Variants in OR6K3 observed in about 807,000 individuals in gnomAD.
The protein encoded by OR6K3 is olfactory receptor family 6 subfamily K member 3.
For synonymous variants in OR6K3, 169 were observed against 137.7 expected, an observed-to-expected ratio of 1.23 and a Z score of -1.59; for missense variants, 396 against 382.5, an observed-to-expected ratio of 1.04 and a Z score of -0.29.
Position 158,717,582 on chromosome 1 carries a change from G to T in OR6K3, c.534C>A (p.Phe178Leu), listed in dbSNP as rs772221777. ...FCGPNQIHQI[F>L]CDLVPVLSLA... is the part of the protein sequence containing the mutation. ...GGCTTAGCACAGGGACCAAGTCACAGAAGATCTGATGGATTTGGTTGGGCC... is the reference window on the plus strand; with the variant it reads ...GGCTTAGCACAGGGACCAAGTCACATAAGATCTGATGGATTTGGTTGGGCC... The change falls in exon 2 of 2, where the codon TTC (phenylalanine) becomes TTA (leucine). Residue 178 changes from phenylalanine to leucine, a missense_variant. Transcript: ENST00000368145. The T allele has an allele frequency of 3.7e-6, 6 of 1,613,858 alleles. No homozygotes were observed. Among genetic ancestry groups the T allele is most frequent in the Admixed American group, 1.7e-5 (1 of 59,970 alleles).
rs1656204377 is a variant in OR6K3 at position 158,717,942 on chromosome 1, G to A, written c.174C>T (p.Pro58=). 5 of 1,613,638 alleles carry A rather than the reference G, an allele frequency of 3.1e-6. No individual in the cohort carries two copies. Among genetic ancestry groups the A allele is most frequent in the Non-Finnish European group, 4.2e-6 (5 of 1,179,720 alleles). The change falls in exon 2 of 2, where the codon CCC becomes CCT. Residue 58 remains proline, a synonymous_variant. Transcript: ENST00000368145. The stretch of plus-strand genomic sequence containing the variant: ...AAAATATACTGATAAAATTATACAT[G>A]GGGTTGTGGAGATGGGTGTCCAGCC... ...AVRLDTHLHN[P]MYNFISIFSF...
chr1:158,724,511 C>G (rs950301655), upstream of OR6K3: 7 of 254,872 alleles, frequency 2.7e-5, no homozygotes, highest in South Asian at 4.5e-4. Flanking sequence ...AAGCGCAGCA[C>G]AGGTTCAAAA....
chr1:158,717,050 G>A lies in OR6K3; in HGVS notation c.*118C>T, dbSNP rs1571569003. 2.5e-5 allele frequency: 18 copies of A among 717,952 alleles called. No homozygotes were observed. In the South Asian group the frequency reaches 2.6e-4, roughly 11 times the overall value. 44.5% of individuals were successfully genotyped at this position (717,952 alleles called of 1,614,324 possible). A position where few individuals can be genotyped will look rare whatever the true frequency, so the allele number is the denominator to read the frequency against. Reference sequence around the variant, plus strand: ...GGAGAATTGTTCAAAACCAGGAGGTGGAGGTTGCAGTGAGCCAAGATCATG... The same window carrying A: ...GGAGAATTGTTCAAAACCAGGAGGTAGAGGTTGCAGTGAGCCAAGATCATG... On this transcript the variant is annotated 3_prime_UTR_variant, in exon 2 of 2. Coordinates refer to ENST00000368145, the MANE Select transcript of OR6K3 (RefSeq NM_001005327.3).
At chr1:158,718,530 T>C (rs1656221650) in intron 1 of OR6K3, among the ~76,000 whole-genome samples, 1 of 151,568 alleles carries the variant, frequency 6.6e-6, no homozygotes, top group African/African-American at 2.4e-5. Flanking sequence ...GTATTTGCAT[T>C]TATAAGTTAT....
chr1:158,722,342 T>G (rs567004810), upstream of OR6K3, among the ~76,000 whole-genome samples: 19 of 152,112 alleles, frequency 1.2e-4, no homozygotes, highest in Admixed American at 1.2e-3. Flanking sequence ...GCTAAAAAGT[T>G]GTGCTTTTTT....
At chr1:158,721,592 A>G (rs1409996939), upstream of OR6K3, among the ~76,000 whole-genome samples, 4 of 151,822 alleles carry the variant, frequency 2.6e-5, no homozygotes, top group African/African-American at 7.2e-5. Context: ...TGTATTTCCA[A>G]TGATTTTGTA....
upstream of OR6K3, chr1:158,724,028 T>C (rs1018182745): frequency 2.0e-5 from 3 of 152,226 alleles, no homozygotes; most frequent in Non-Finnish European, 4.4e-5. Context: ...AAAATATCCA[T>C]GTGACAATGA....
chr1:158,717,297 A>T lies in OR6K3; in HGVS notation c.819T>A (p.Ile273=), dbSNP rs371872933. Residue 273 remains isoleucine, a synonymous_variant, in exon 2 of 2, where the codon ATT becomes ATA. Coordinates refer to ENST00000368145, the MANE Select transcript of OR6K3 (RefSeq NM_001005327.3). ...DTYPPVLDTA[I]ALMFTVLAPF... ...GAGCAAGTACAGTAAACATCAGTGC[A>T]ATGGCTGTGTCCAAAACTGGTGGAT... The T allele has an allele frequency of 1.9e-6, 3 of 1,613,580 alleles. No homozygotes were observed. Among genetic ancestry groups the T allele is most frequent in the Non-Finnish European group, 2.5e-6 (3 of 1,179,724 alleles).
Position 158,718,065 on chromosome 1 carries a change from G to A in OR6K3, c.51C>T (p.Phe17=). 6.2e-7 allele frequency: 1 copy of A among 1,612,952 alleles called. No homozygotes were observed. The highest frequency in any genetic ancestry group is 2.2e-5 in the East Asian group (1 of 44,702). Reference sequence around the variant, plus strand: ...GGAGACTACCATCCTGAAGCTGAGGGAATCCAGTGAAGATAAATTCAGTCA... The same window carrying A: ...GGAGACTACCATCCTGAAGCTGAGGAAATCCAGTGAAGATAAATTCAGTCA... ...STVTEFIFTG[F]PQLQDGSLLY... is the part of the protein sequence containing the mutation. The change falls in exon 2 of 2, where the codon TTC becomes TTT. Residue 17 remains phenylalanine (F), a synonymous_variant. Transcript: ENST00000368145.
upstream of OR6K3, chr1:158,724,629 G>C (rs988291389): frequency 4.2e-6 from 1 of 239,522 alleles, no homozygotes; most frequent in Non-Finnish European, 9.2e-6. Flanking sequence ...ACCCCACAGA[G>C]AGCTGAACAC....
At chr1:158,724,673 G>A, upstream of OR6K3, 1 of 227,182 alleles carries the variant, frequency 4.4e-6, no homozygotes, top group South Asian at 7.9e-5. Context: ...GGGTAGCGGA[G>A]AGGGTTACAG....
chr1:158,717,288 C>T lies in OR6K3; in HGVS notation c.828G>A (p.Met276Ile). Residue 276 changes from methionine to isoleucine, a missense_variant, in exon 2 of 2, where the codon ATG becomes ATA. Met to Ile is a conservative substitution (Grantham distance 10). Coordinates refer to ENST00000368145, the MANE Select transcript of OR6K3 (RefSeq NM_001005327.3). ...PPVLDTAIALMFTVLAPFFNP... is the reference protein window; with the variant it reads ...PPVLDTAIALIFTVLAPFFNP... ...TGAAGAATGGAGCAAGTACAGTAAA[C>T]ATCAGTGCAATGGCTGTGTCCAAAA... The T allele has an allele frequency of 1.9e-6, 3 of 1,613,648 alleles. No individual in the cohort carries two copies. Among genetic ancestry groups the T allele is most frequent in the South Asian group, 2.2e-5 (2 of 91,078 alleles).
At chr1:158,723,247 A>G (rs141236520), upstream of OR6K3, among the ~76,000 whole-genome samples, 53 of 151,928 alleles carry the variant, frequency 3.5e-4, no homozygotes, top group African/African-American at 1.2e-3. Flanking sequence ...CTATCTATCT[A>G]TCTATCTATC....
At chr1:158,723,045 T>C (rs1656314990), upstream of OR6K3, among the ~76,000 whole-genome samples, 1 of 152,024 alleles carries the variant, frequency 6.6e-6, no homozygotes, top group Non-Finnish European at 1.5e-5. Flanking sequence ...CTTTTATTTC[T>C]ATTGAGTTTT....
chr1:158,718,263 C>G (rs1012620548), intron 1 of OR6K3, 131 bp from the exon 2 acceptor site: 3 of 592,416 alleles, frequency 5.1e-6, no homozygotes, highest in Middle Eastern at 2.7e-4. Context: ...TGACTTTAAA[C>G]TCATGTACAT....
chr1:158,721,373 A>G (rs1304294691), upstream of OR6K3, among the ~76,000 whole-genome samples: 1 of 151,900 alleles, frequency 6.6e-6, no homozygotes, highest in Non-Finnish European at 1.5e-5. Flanking sequence ...TGCTTCATCC[A>G]CTGATCTGTT....
At chr1:158,719,763 C>T (rs1457358702) in intron 1 of OR6K3, among the ~76,000 whole-genome samples, 1 of 152,008 alleles carries the variant, frequency 6.6e-6, no homozygotes, top group Non-Finnish European at 1.5e-5. Context: ...AATATTAATA[C>T]TGGTTAATGA....
chr1:158,721,997 G>A (rs1001965034), upstream of OR6K3, among the ~76,000 whole-genome samples: 1 of 151,636 alleles, frequency 6.6e-6, no homozygotes, highest in Non-Finnish European at 1.5e-5. Flanking sequence ...AATGATTTGT[G>A]TCTTAGAGTT....
At position 158,717,897 on chromosome 1, in the gene OR6K3, G is replaced by T; in HGVS notation, c.219C>A (p.Tyr73Ter). Residue 73 changes from tyrosine (Y) to a stop codon, truncating the protein, a stop_gained, in exon 2 of 2, where the codon TAC becomes TAA. Transcript: ENST00000368145. LOFTEE classifies it low-confidence loss of function (END_TRUNC). ...GCATCTTGGGAATGGTGGCTGTGGTGTACCAGATCTCCAGAAAGGAAAATA... is the reference window on the plus strand; with the variant it reads ...GCATCTTGGGAATGGTGGCTGTGGTTTACCAGATCTCCAGAAAGGAAAATA... ...ISIFSFLEIW[Y>*]TTATIPKMLS... The T allele has an allele frequency of 3.7e-6, 6 of 1,613,596 alleles. No individual in the cohort carries two copies. In the South Asian group the frequency reaches 6.6e-5, roughly 18 times the overall value.
Sources: gnomAD v4.1 joint callset for allele counts (sites outside exome capture counted in the v4.1 genomes callset) on GRCh38, gnomAD v4.1.1 for gene constraint, MANE v1.5 for transcripts, NCBI Gene and HGNC (gene_info 2026-07-23, HGNC 2026-07-21) for gene names.